Variants in TBC1D32 observed in about 807,000 individuals in gnomAD.
The protein encoded by TBC1D32 is TBC1 domain family member 32, also known as protein broad-minded.
TBC1D32 carries 151 observed loss-of-function variants against 170.3 expected under a neutral mutation model. The observed-to-expected ratio is 0.89, with a 90% confidence interval of 0.78 to 1.01. The LOEUF (loss-of-function observed/expected upper bound fraction) is 1.01, where lower values mean the gene tolerates loss of function less well. Among genes scored for constraint, TBC1D32 ranks in the 50% least tolerant of loss-of-function variants. The probability of loss-of-function intolerance (pLI) is 0.00; values close to 1 mark genes in which losing one functional copy is unlikely to be tolerated. For synonymous variants in TBC1D32, 498 were observed against 488.0 expected (o/e 1.02, Z -0.27); for missense variants, 1,464 against 1,457.1 (o/e 1.00, Z -0.08).
chr6:121,268,443 G>A (rs1455780085), intron 15 of TBC1D32, among the ~76,000 whole-genome samples: 4 of 152,140 alleles, frequency 2.6e-5, no homozygotes, highest in Non-Finnish European at 5.9e-5. Context: ...GAAAACCATG[G>A]CATGAGAACT....
At chr6:121,215,416 T>C (rs1394715991) in intron 21 of TBC1D32, among the ~76,000 whole-genome samples, 1 of 152,194 alleles carries the variant, frequency 6.6e-6, no homozygotes, top group Non-Finnish European at 1.5e-5. Flanking sequence ...GAAGCTGGCA[T>C]CATGGCAGCC....
intron 17 of TBC1D32, among the ~76,000 whole-genome samples, chr6:121,246,799 A>C (rs1421573472): frequency 6.6e-6 from 1 of 151,732 alleles, no homozygotes; most frequent in African/African-American, 2.4e-5. Context: ...AGCTCAAAGA[A>C]AAGGTTTTCA....
At chr6:121,303,453 G>A (rs1315223006) in intron 9 of TBC1D32, among the ~76,000 whole-genome samples, 164 bp downstream of exon 9, 1 of 151,982 alleles carries the variant, frequency 6.6e-6, no homozygotes, top group African/African-American at 2.4e-5. Flanking sequence ...CTGAAAAATG[G>A]GGGTATTAAT....
At chr6:121,148,800 G>T (rs1159219938) in intron 24 of TBC1D32, among the ~76,000 whole-genome samples, 1 of 152,134 alleles carries the variant, frequency 6.6e-6, no homozygotes, top group Non-Finnish European at 1.5e-5. Flanking sequence ...TTTTAGTAAA[G>T]ATGTGGTTTC....
intron 24 of TBC1D32, among the ~76,000 whole-genome samples, chr6:121,132,610 T>C (rs1393114959): frequency 6.6e-6 from 1 of 151,944 alleles, no homozygotes; most frequent in Non-Finnish European, 1.5e-5. Context: ...TGTTAATCTG[T>C]TATTTCAGTT....
At chr6:121,207,070 T>A (rs1487800745) in intron 21 of TBC1D32, among the ~76,000 whole-genome samples, 3 of 152,174 alleles carry the variant, frequency 2.0e-5, no homozygotes, top group African/African-American at 7.2e-5. Context: ...AATAGGTAAA[T>A]GTTTTATTAC....
At chr6:121,266,532 T>C (rs927737021) in intron 15 of TBC1D32, among the ~76,000 whole-genome samples, 6 of 152,140 alleles carry the variant, frequency 3.9e-5, no homozygotes, top group Non-Finnish European at 7.4e-5. Context: ...GACGCAGAAA[T>C]ATCATTTGAG....
In TBC1D32 at chr6:121,253,321, C is replaced by T. The variant is rs1296481327; in HGVS notation, c.2018+2007G>A. On this transcript the variant is annotated intron_variant, in intron 17 of 31. Coordinates refer to ENST00000398212, the MANE Select transcript of TBC1D32 (RefSeq NM_152730.6). ...GGACATGAAGAAACAATTCTCAAAA[C>T]GTACAAACAGCCAACGAGCACTTGA... Among the ~76,000 whole-genome samples the T allele has an allele frequency of 1.3e-5, 2 of 151,442 alleles. 1 individual carries two copies. Among genetic ancestry groups the T allele is most frequent in the South Asian group, 4.2e-4 (2 of 4,814 alleles).
intron 22 of TBC1D32, among the ~76,000 whole-genome samples, chr6:121,178,622 T>C (rs1163474658): frequency 1.3e-5 from 2 of 152,168 alleles, no homozygotes; most frequent in Non-Finnish European, 2.9e-5. Flanking sequence ...CATGTTCTTG[T>C]GTGATCCCCT....
chr6:121,199,362 G>A (rs1791234048), intron 22 of TBC1D32, among the ~76,000 whole-genome samples: 1 of 151,064 alleles, frequency 6.6e-6, no homozygotes, highest in Non-Finnish European at 1.5e-5. Flanking sequence ...AAAAAAGGAA[G>A]TCTCAAAACA....
At chr6:121,084,361 A>G (rs777563975) in intron 31 of TBC1D32, among the ~76,000 whole-genome samples, 4 of 152,134 alleles carry the variant, frequency 2.6e-5, no homozygotes, top group Non-Finnish European at 5.9e-5. Context: ...GTGGCATACA[A>G]TAAGCACTCA....
At chr6:121,302,726 A>G (rs1806680527) in intron 9 of TBC1D32, among the ~76,000 whole-genome samples, 4 of 152,176 alleles carry the variant, frequency 2.6e-5, no homozygotes, top group Admixed American at 2.6e-4. Flanking sequence ...AAAAAATTTA[A>G]CTGTTAGATG....
chr6:121,333,445 A>G (rs906621521), intron 1 of TBC1D32, among the ~76,000 whole-genome samples: 1 of 152,194 alleles, frequency 6.6e-6, no homozygotes, highest in Non-Finnish European at 1.5e-5. Flanking sequence ...TCTGACATGT[A>G]TCACAGACAT....
Position 121,131,595 on chromosome 6 carries a change from A to T in TBC1D32, c.2899+32T>A, listed in dbSNP as rs751474362. The T allele has an allele frequency of 1.2e-5, 19 of 1,585,790 alleles. No homozygotes were observed. In the South Asian group the frequency reaches 2.2e-4, roughly 19 times the overall value. ...TTCTATTAATATAATTTTCATACAT[A>T]AGAAAACCCACAATGGAAACAATGT... On this transcript the variant is annotated intron_variant, in intron 25 of 31. Transcript: ENST00000398212.
intron 1 of TBC1D32, among the ~76,000 whole-genome samples, chr6:121,330,825 C>A (rs551942652): frequency 6.6e-6 from 1 of 152,094 alleles, no homozygotes; most frequent in African/African-American, 2.4e-5. Context: ...AGCCAGTCTG[C>A]GTGTAAAAAT....
chr6:121,098,999 T>G (rs1465412967), intron 30 of TBC1D32, among the ~76,000 whole-genome samples: 1 of 151,974 alleles, frequency 6.6e-6, no homozygotes, highest in Non-Finnish European at 1.5e-5. Context: ...TGCTTTGCAT[T>G]TGTATAATTT....
chr6:121,162,769 C>T (rs1210926006), intron 22 of TBC1D32, among the ~76,000 whole-genome samples: 1 of 142,946 alleles, frequency 7.0e-6, no homozygotes, highest in African/African-American at 2.5e-5. Flanking sequence ...CCAGCGTGAG[C>T]GACGCAGAAA....
intron 22 of TBC1D32, among the ~76,000 whole-genome samples, chr6:121,202,279 G>GAAAAAA (rs59539189): frequency 2.8e-4 from 32 of 112,866 alleles, no homozygotes; most frequent in Non-Finnish European, 4.2e-4. Flanking sequence ...ACTAGAGAAT[G>GAAAAAA]AAAAAAAAAA....
chr6:121,131,826 T>A, intron 24 of TBC1D32, 74 bp from the exon 25 acceptor site: 2 of 1,220,436 alleles, frequency 1.6e-6, no homozygotes, highest in Non-Finnish European at 2.2e-6. Flanking sequence ...GTTAACTATG[T>A]AAACAGTTGA....
Sources: allele counts gnomAD v4.1 joint callset (sites outside exome capture counted in the v4.1 genomes callset), GRCh38; gene constraint gnomAD v4.1.1; transcripts MANE v1.5; gene names NCBI Gene and HGNC (gene_info 2026-07-23, HGNC 2026-07-21).